The following PPP1R1C variants were observed in gnomAD, a reference collection of about 807,000 sequenced individuals.
PPP1R1C encodes protein phosphatase 1 regulatory inhibitor subunit 1C.
A neutral mutation model predicts 17.4 loss-of-function variants in PPP1R1C; 15 were observed. That is an observed-to-expected ratio of 0.86 (90% CI 0.58 to 1.33). The LOEUF is 1.33. Ranked by LOEUF, PPP1R1C falls within the 40% of genes most tolerant of loss-of-function variation. PPP1R1C has a pLI of 0.00. For missense variants in PPP1R1C, 143 were observed against 130.0 expected (o/e 1.10, Z -0.48); for synonymous variants, 35 against 43.1 (o/e 0.81, Z 0.73).
chr2:182,036,669 T>A (rs144862119), intron 2 of PPP1R1C, among the ~76,000 whole-genome samples: 339 of 152,280 alleles, frequency 2.2e-3, no homozygotes, highest in African/African-American at 7.8e-3. Flanking sequence ...CTTAACCTGA[T>A]ATATACATTC....
chr2:182,085,785 G>A (rs776752272), intron 4 of PPP1R1C, among the ~76,000 whole-genome samples: 56 of 152,280 alleles, frequency 3.7e-4, no homozygotes, highest in Non-Finnish European at 6.2e-4. Flanking sequence ...TGCCACGGGG[G>A]AAACTTGTAA....
chr2:182,086,328 T>C (rs1265262137), intron 4 of PPP1R1C, among the ~76,000 whole-genome samples: 1 of 152,170 alleles, frequency 6.6e-6, no homozygotes, highest in African/African-American at 2.4e-5. Context: ...TCATTTATAA[T>C]TGAAAAAATA....
Position 181,961,962 on chromosome 2 carries a change from C to T in PPP1R1C, n.111+7328C>T. On this transcript the variant is annotated intron_variant and non_coding_transcript_variant, in intron 1 of 5. Coordinates refer to the PPP1R1C transcript ENST00000464264. The surrounding 1 kb of genome is among the most constrained non-coding windows in gnomAD (Gnocchi z 5.8). ...TCACTCCCCACAGACGGGTGCATGG[C>T]CAGCTCTGTCTCATACTTGACTCTA... The T allele has an allele frequency of 2.7e-6, 2 of 735,954 alleles. No individual in the cohort carries two copies. The highest frequency in any genetic ancestry group is 5.0e-6 in the Non-Finnish European group (2 of 399,208). The allele number at this position is 735,954 out of a possible 1,614,324, so 45.6% of individuals were successfully genotyped here. A position where few individuals can be genotyped will look rare whatever the true frequency, so the allele number is the denominator to read the frequency against.
chr2:182,112,012 G>A (rs1487499143), intron 4 of PPP1R1C, among the ~76,000 whole-genome samples: 2 of 152,012 alleles, frequency 1.3e-5, no homozygotes, highest in Non-Finnish European at 2.9e-5. Context: ...CCATTGACTC[G>A]GAGCTCTTCT....
At chr2:181,986,738 A>G (rs1314959587) in intron 1 of PPP1R1C, among the ~76,000 whole-genome samples, 1 of 152,170 alleles carries the variant, frequency 6.6e-6, no homozygotes, top group African/African-American at 2.4e-5. Flanking sequence ...CGTTTTGTTC[A>G]GACATTACAA....
At chr2:182,103,182 C>T (rs991403448) in intron 4 of PPP1R1C, among the ~76,000 whole-genome samples, 4 of 152,094 alleles carry the variant, frequency 2.6e-5, no homozygotes, top group African/African-American at 9.7e-5. Context: ...AAAAAAAAAT[C>T]TCAAGTTAGT....
At chr2:182,092,928 G>A (rs1688823993) in intron 4 of PPP1R1C, among the ~76,000 whole-genome samples, 1 of 152,146 alleles carries the variant, frequency 6.6e-6, no homozygotes, top group Non-Finnish European at 1.5e-5. Flanking sequence ...AGCTGTCAGT[G>A]GATCTACCAT....
chr2:181,997,620 TAA>T (rs1268894166), intron 2 of PPP1R1C, among the ~76,000 whole-genome samples: 2 of 152,222 alleles, frequency 1.3e-5, no homozygotes, highest in East Asian at 1.9e-4. Context: ...TTTTAAAAAG[TAA>T]AGAGTATTTT....
intron 4 of PPP1R1C, among the ~76,000 whole-genome samples, chr2:182,086,466 A>C (rs897678324): frequency 6.6e-6 from 1 of 152,170 alleles, no homozygotes; most frequent in Non-Finnish European, 1.5e-5. Context: ...CTTTTTCAAG[A>C]AACAGAAAAA....
chr2:181,964,886 A>G (rs990608194), intron 1 of PPP1R1C, among the ~76,000 whole-genome samples: 7 of 152,116 alleles, frequency 4.6e-5, no homozygotes, highest in Admixed American at 1.3e-4. Context: ...TTGTATTTTT[A>G]GTAGAGACAG....
At chr2:182,114,709 T>C (rs1004700869) in intron 4 of PPP1R1C, among the ~76,000 whole-genome samples, 2 of 152,206 alleles carry the variant, frequency 1.3e-5, no homozygotes, top group Admixed American at 1.3e-4. Flanking sequence ...ACATGTCACC[T>C]GCTCCTGCCT....
intron 2 of PPP1R1C, among the ~76,000 whole-genome samples, chr2:182,014,140 G>A (rs2125157850): frequency 6.6e-6 from 1 of 152,208 alleles, no homozygotes; most frequent in African/African-American, 2.4e-5. Flanking sequence ...TGTTGATTGT[G>A]GTCTTTATAG....
intron 2 of PPP1R1C, among the ~76,000 whole-genome samples, chr2:182,045,175 G>A (rs763343970): frequency 2.7e-4 from 41 of 152,172 alleles, no homozygotes; most frequent in Admixed American, 7.2e-4. Context: ...CTGCATGAAG[G>A]TTAAGATTTT....
At chr2:182,082,905 C>T (rs1375351757) in intron 4 of PPP1R1C, among the ~76,000 whole-genome samples, 2 of 152,064 alleles carry the variant, frequency 1.3e-5, no homozygotes, top group African/African-American at 4.8e-5. Context: ...TCTAATAATA[C>T]CCAGCGGGAG....
At chr2:182,119,212 A>G (rs982769411), downstream of PPP1R1C, among the ~76,000 whole-genome samples, 20 of 151,980 alleles carry the variant, frequency 1.3e-4, no homozygotes, top group Non-Finnish European at 2.5e-4. Context: ...AGCTTTATCC[A>G]TGTCCCTACA....
intron 4 of PPP1R1C, among the ~76,000 whole-genome samples, chr2:182,067,093 A>C (rs940934528): frequency 3.3e-5 from 5 of 152,114 alleles, no homozygotes; most frequent in African/African-American, 9.7e-5. Flanking sequence ...TGACTTAAAA[A>C]TGACTTTGTA....
rs1271944390 is a variant in PPP1R1C at position 181,962,337 on chromosome 2, C to T, written n.111+7703C>T. 8.5e-6 allele frequency: 8 copies of T among 943,034 alleles called. No homozygotes were observed. The highest frequency in any genetic ancestry group is 1.4e-5 in the South Asian group (1 of 71,218). 58.4% of individuals were successfully genotyped at this position (943,034 alleles called of 1,614,324 possible). A position where few individuals can be genotyped will look rare whatever the true frequency, so the allele number is the denominator to read the frequency against. On this transcript the variant is annotated intron_variant and non_coding_transcript_variant, in intron 1 of 5. Coordinates refer to the PPP1R1C transcript ENST00000464264. This position sits in a 1 kb window ranked among gnomAD's most constrained non-coding sequence, Gnocchi z 6.0. ...CCCCGGAAGCTGGTGGAGCGGGACA[C>T]GGATATCCGGGAACCAGAGCCCCCG...
At chr2:182,047,547 T>C (rs1687383806) in intron 2 of PPP1R1C, among the ~76,000 whole-genome samples, 1 of 152,090 alleles carries the variant, frequency 6.6e-6, no homozygotes, top group African/African-American at 2.4e-5. Context: ...AGAAAACCCA[T>C]CCATTAAGTG....
chr2:181,964,604 GT>G (rs1684874083), intron 1 of PPP1R1C, among the ~76,000 whole-genome samples: 1 of 152,060 alleles, frequency 6.6e-6, no homozygotes, highest in African/African-American at 2.4e-5. Flanking sequence ...AGAGTTTCCT[GT>G]TTTGCTACAT....
Sources: allele counts gnomAD v4.1 joint callset (sites outside exome capture counted in the v4.1 genomes callset), GRCh38; gene constraint gnomAD v4.1.1; non-coding constraint Gnocchi (gnomAD v3.1); transcripts MANE v1.5; gene names NCBI Gene and HGNC (gene_info 2026-07-23, HGNC 2026-07-21).